PDE2A: variants seen among roughly 807,000 people sequenced by gnomAD.
PDE2A encodes phosphodiesterase 2A, also known as cGMP-dependent 3',5'-cyclic phosphodiesterase.
In PDE2A, 53 loss-of-function variants were observed where a neutral mutation model predicts 133.6. The observed-to-expected ratio is 0.40, with a 90% CI of 0.32 to 0.50. The LOEUF is 0.50. PDE2A is among the 20% of genes least tolerant of loss of function. The pLI, the probability that PDE2A is intolerant of heterozygous loss-of-function variation, is 0.73. For missense variants in PDE2A, 796 were observed against 1,232.4 expected (o/e 0.65, Z 5.30); for synonymous variants, 491 against 490.2 (o/e 1.00, Z -0.02).
intron 1 of PDE2A, among the ~76,000 whole-genome samples, chr11:72,652,208 C>T (rs891992589): frequency 6.6e-6 from 1 of 152,226 alleles, no homozygotes; most frequent in African/African-American, 2.4e-5. Flanking sequence ...CAAGCCCATC[C>T]CTTTGCACCT....
intron 1 of PDE2A, among the ~76,000 whole-genome samples, chr11:72,667,055 G>A (rs971038651): frequency 2.0e-5 from 3 of 152,122 alleles, no homozygotes; most frequent in Non-Finnish European, 2.9e-5. Context: ...GCGGTGAGCC[G>A]AGATCACGCC....
chr11:72,672,719 T>C (rs1855413956), intron 1 of PDE2A, among the ~76,000 whole-genome samples: 1 of 146,842 alleles, frequency 6.8e-6, no homozygotes, highest in Admixed American at 6.9e-5. Flanking sequence ...TAGCATGACG[T>C]TGATCTCTAC....
At chr11:72,579,158 G>A (rs913835221) in intron 27 of PDE2A, 126 bp downstream of exon 27, 19 of 933,940 alleles carry the variant, frequency 2.0e-5, no homozygotes, top group South Asian at 8.4e-5. Flanking sequence ...GCCTGGGGGG[G>A]GCCGTGCAGC....
intron 1 of PDE2A, among the ~76,000 whole-genome samples, chr11:72,650,751 GTAC>G (rs1474760943): frequency 6.6e-6 from 1 of 152,144 alleles, no homozygotes; most frequent in Non-Finnish European, 1.5e-5. Context: ...GCCCTGCCCT[GTAC>G]CACCAGACAG....
At chr11:72,612,483 A>G (rs1356704724) in intron 2 of PDE2A, among the ~76,000 whole-genome samples, 1 of 152,170 alleles carries the variant, frequency 6.6e-6, no homozygotes, top group Admixed American at 6.5e-5. Flanking sequence ...CCAATCCTGT[A>G]CCAGACTGAC....
chr11:72,606,556 C>T (rs916056242), intron 3 of PDE2A, among the ~76,000 whole-genome samples: 5 of 152,074 alleles, frequency 3.3e-5, no homozygotes, highest in Non-Finnish European at 7.4e-5. Context: ...AATGATAAGG[C>T]CTGAAGGGAG....
chr11:72,631,031 C>T (rs2135416326), intron 2 of PDE2A: 2 of 1,411,708 alleles, frequency 1.4e-6, no homozygotes, highest in Admixed American at 2.0e-5. Context: ...TCAGTCTGCG[C>T]CCCACCCCCT....
Position 72,580,569 on chromosome 11 carries a change from A to G in PDE2A, c.2181+8T>C, listed in dbSNP as rs1259321930. The G allele has an allele frequency of 6.4e-7, 1 of 1,563,250 alleles. No individual in the cohort carries two copies. On this transcript the variant is annotated splice_region_variant and intron_variant, in intron 25 of 30. Transcript: ENST00000334456. ...GAAGAAGGACGGGGTGGGACAGAAG[A>G]GTGATACCTCCATGACGGAGCCCTC...
At chr11:72,636,224 G>T in intron 2 of PDE2A, 1 of 823,388 alleles carries the variant, frequency 1.2e-6, no homozygotes, top group Non-Finnish European at 1.5e-6. Context: ...ATCAGAGGCA[G>T]CAGCTTCAAG....
intron 1 of PDE2A, among the ~76,000 whole-genome samples, chr11:72,668,685 G>C (rs1855307008): frequency 2.0e-5 from 3 of 152,266 alleles, no homozygotes; most frequent in Non-Finnish European, 4.4e-5. Flanking sequence ...CTCCCAGAAT[G>C]GCTCACAGAC....
chr11:72,670,870 T>C (rs1196230845), intron 1 of PDE2A, among the ~76,000 whole-genome samples: 1 of 136,866 alleles, frequency 7.3e-6, no homozygotes, highest in African/African-American at 2.5e-5. Flanking sequence ...AGGGAAGAGA[T>C]GAACATCCTA....
intron 1 of PDE2A, among the ~76,000 whole-genome samples, chr11:72,665,554 T>G (rs1855210330): frequency 6.6e-6 from 1 of 152,012 alleles, no homozygotes; most frequent in South Asian, 2.1e-4. Flanking sequence ...GACTCAATCC[T>G]CCCCAGGCCC....
intron 23 of PDE2A, 127 bp downstream of exon 23, chr11:72,581,229 AG>A: frequency 1.0e-6 from 1 of 955,244 alleles, no homozygotes; most frequent in Non-Finnish European, 1.6e-6. Flanking sequence ...CTTCCCCTCT[AG>A]TCCCCTGGGG....
chr11:72,596,225 C>G (rs1338502595), intron 6 of PDE2A, among the ~76,000 whole-genome samples: 1 of 152,146 alleles, frequency 6.6e-6, no homozygotes, highest in Admixed American at 6.5e-5. Flanking sequence ...CTGGAGGATC[C>G]CAAAGAGAAA....
At chr11:72,639,014 T>A (rs529966810) in intron 2 of PDE2A, among the ~76,000 whole-genome samples, 1 of 152,316 alleles carries the variant, frequency 6.6e-6, no homozygotes, top group Non-Finnish European at 1.5e-5. Context: ...TTCTGGTATG[T>A]GACACTGCGG....
Position 72,590,559 on chromosome 11 carries a change from C to A in PDE2A, c.571G>T (p.Val191Leu). ...GGCCCGCGCTGCTGCAGGACCTGCA[C>A]CCTCCGCAGGGCGACCAGGGTCTGG... ...EKHTLVALRRVQVLQQRGPRE... is the reference protein window; with the variant it reads ...EKHTLVALRRLQVLQQRGPRE... Residue 191 changes from valine (V) to leucine (L), a missense_variant, in exon 8 of 31, where the codon GTG becomes TTG. Physicochemically the swap from Val to Leu is conservative, Grantham distance 32 (BLOSUM62 1). Around this residue, in one of 7 missense-constraint regions of PDE2A, gnomAD observed 417 missense variants for 475.3 expected, o/e 0.88. Transcript: ENST00000334456. The surrounding 1 kb of genome is among the most constrained non-coding windows in gnomAD (Gnocchi z 4.8). The A allele has an allele frequency of 2.1e-6, 3 of 1,397,272 alleles. No homozygotes were observed. Among genetic ancestry groups the A allele is most frequent in the Middle Eastern group, 2.1e-4 (1 of 4,742 alleles). 86.6% of individuals were successfully genotyped at this position (1,397,272 alleles called of 1,614,324 possible). A position where few individuals can be genotyped will look rare whatever the true frequency, so the allele number is the denominator to read the frequency against.
At chr11:72,595,326 G>A (rs1856428703) in intron 6 of PDE2A, among the ~76,000 whole-genome samples, 5 of 152,104 alleles carry the variant, frequency 3.3e-5, no homozygotes, top group Admixed American at 3.3e-4. Context: ...GCCCCTCAAA[G>A]CTGACCAGCC....
chr11:72,601,985 T>A (rs892686125), intron 4 of PDE2A, among the ~76,000 whole-genome samples: 1 of 152,174 alleles, frequency 6.6e-6, no homozygotes, highest in Non-Finnish European at 1.5e-5. Flanking sequence ...AGGTTCTTCC[T>A]GTGGAAGAAC....
chr11:72,650,522 T>TC (rs1012858520), intron 1 of PDE2A, among the ~76,000 whole-genome samples: 12 of 151,600 alleles, frequency 7.9e-5, no homozygotes, highest in Non-Finnish European at 1.6e-4. Flanking sequence ...ATATCTCTCA[T>TC]CCCCCCGTGC....
Sources: gnomAD v4.1 joint callset for allele counts (sites outside exome capture counted in the v4.1 genomes callset) on GRCh38, gnomAD v4.1.1 for gene constraint, gnomAD v4.1.1 regional missense constraint, Gnocchi (gnomAD v3.1) non-coding constraint, MANE v1.5 for transcripts, NCBI Gene and HGNC (gene_info 2026-07-23, HGNC 2026-07-21) for gene names.